The following ZIC4 variants were observed in gnomAD, a reference collection of about 807,000 sequenced individuals.
The protein encoded by ZIC4 is zinc finger protein ZIC 4.
In ZIC4, 15 loss-of-function variants were observed where a neutral mutation model predicts 28.8. The ratio of observed to expected loss-of-function variants is 0.52; its 90% CI spans 0.35 to 0.80. The LOEUF is 0.80. ZIC4 is among the 30% of genes least tolerant of loss of function. The pLI, the probability that ZIC4 is intolerant of heterozygous loss-of-function variation, is 0.01. For missense variants in ZIC4, 512 were observed against 467.1 expected, an observed-to-expected ratio of 1.10 and a Z score of -0.89; for synonymous variants, 220 against 198.1, an observed-to-expected ratio of 1.11 and a Z score of -0.93.
intron 1 of ZIC4, chr3:147,404,371 G>T (rs1576465452): frequency 9.2e-7 from 1 of 1,081,090 alleles, no homozygotes; most frequent in East Asian, 4.4e-5. Flanking sequence ...CAGGCAACAG[G>T]GACCTTAGGA....
rs978834980 is a variant in ZIC4, at chr3:147,388,436, G to A, written c.*423C>T. The A allele has an allele frequency of 4.4e-4, 85 of 195,150 alleles. No homozygotes were observed. Among genetic ancestry groups the A allele is most frequent in the African/African-American group, 1.8e-3 (79 of 43,212 alleles). The allele number at this position is 195,150 out of a possible 1,614,324, so 12.1% of individuals were successfully genotyped here. ...AACCCAAACGCGCCCTCTGATCACC[G>A]CAGAAAGCAGAAACAAAGGGGGCTG... On this transcript the variant is annotated 3_prime_UTR_variant, in exon 5 of 5. Transcript: ENST00000383075.
chr3:147,387,342 A>T lies in ZIC4; in HGVS notation c.*1517T>A, dbSNP rs939220892. 2.0e-5 allele frequency: 3 copies of T among 152,674 alleles called. No homozygotes were observed. Among genetic ancestry groups the T allele is most frequent in the Admixed American group, 2.0e-4 (3 of 15,282 alleles). The allele number at this position is 152,674 out of a possible 1,614,324, so 9.5% of individuals were successfully genotyped here. ...AGAAACGGTTTGAAACTAACGGGGC[A>T]GAGGGAGTTTGACAGAGAGGAGAAC... On this transcript the variant is annotated 3_prime_UTR_variant, in exon 5 of 5. Coordinates refer to ENST00000383075, the MANE Select transcript of ZIC4 (RefSeq NM_032153.6).
chr3:147,403,979 A>G, intron 1 of ZIC4: 2 of 1,536,764 alleles, frequency 1.3e-6, no homozygotes, highest in Admixed American at 2.0e-5. Context: ...CCCAGAGGGT[A>G]TTATTATTTT....
rs759907661 is a variant in ZIC4, at chr3:147,391,927, AC to A, written c.689-682del. 2,000 of 979,592 alleles carry A rather than the reference AC, an allele frequency of 2.0e-3. 5 individuals carry two copies. Among genetic ancestry groups the A allele is most frequent in the Non-Finnish European group, 2.3e-3 (1,858 of 824,782 alleles). The allele number at this position is 979,592 out of a possible 1,614,324, so 60.7% of individuals were successfully genotyped here. On this transcript the variant is annotated intron_variant, in intron 3 of 4. Coordinates refer to ENST00000383075, the MANE Select transcript of ZIC4 (RefSeq NM_032153.6). ...TGGAGCCCCCTCCCTCTTTCCTTCTACCCCCTGAGGGCAAACATTTAGCAGC... is the reference window on the plus strand; with the variant it reads ...TGGAGCCCCCTCCCTCTTTCCTTCTACCCCTGAGGGCAAACATTTAGCAGC...
Position 147,391,921 on chromosome 3 carries a change from C to T in ZIC4, c.689-675G>A, listed in dbSNP as rs367888174. 13 of 973,650 alleles carry T rather than the reference C, an allele frequency of 1.3e-5. No homozygotes were observed. The East Asian group carries it at 1.4e-3, about 103-fold the overall frequency. The allele number at this position is 973,650 out of a possible 1,614,324, so 60.3% of individuals were successfully genotyped here. A position where few individuals can be genotyped will look rare whatever the true frequency, so the allele number is the denominator to read the frequency against. The stretch of plus-strand genomic sequence containing the variant: ...CAGGAATGGAGCCCCCTCCCTCTTT[C>T]CTTCTACCCCCTGAGGGCAAACATT... On this transcript the variant is annotated intron_variant, in intron 3 of 4. Coordinates refer to ENST00000383075, the MANE Select transcript of ZIC4 (RefSeq NM_032153.6).
intron 1 of ZIC4, chr3:147,403,865 T>G (rs1331736925): frequency 8.4e-7 from 1 of 1,193,438 alleles, no homozygotes; most frequent in African/African-American, 1.5e-5. Context: ...TCTCTCCCCC[T>G]CAACGTCCAA....
In ZIC4 at chr3:147,406,419, G is replaced by A. The variant is rs2087277246; in HGVS notation, c.-72C>T. 6.5e-6 allele frequency: 1 copy of A among 152,688 alleles called. No homozygotes were observed. The highest frequency in any genetic ancestry group is 1.9e-4 in the East Asian group (1 of 5,164). 9.5% of individuals were successfully genotyped at this position (152,688 alleles called of 1,614,324 possible). A position where few individuals can be genotyped will look rare whatever the true frequency, so the allele number is the denominator to read the frequency against. ...TTCTGCACATCATTTCGGGGTGGCT[G>A]AGAGGGGACCACAAACCCCTCCAAG... On this transcript the variant is annotated 5_prime_UTR_variant, in exon 1 of 5. The change creates a premature stop within an existing upstream ORF in the 5' untranslated region. Transcript: ENST00000383075.
Position 147,391,187 on chromosome 3 carries a change from C to G in ZIC4, c.748G>C (p.Asp250His). The change falls in exon 4 of 5, where the codon GAC becomes CAC. Residue 250 changes from aspartate (D) to histidine (H), a missense_variant. Physicochemically the swap from Asp to His is moderately conservative, Grantham distance 81. Coordinates refer to ENST00000383075, the MANE Select transcript of ZIC4 (RefSeq NM_032153.6). ...TGCACGTGCGAATGCTTCTTACGGT[C>G]GCTGCTGTTGGCGAAGCGCCGCTCG... Reference protein sequence around the residue: ...GCERRFANSSDRKKHSHVHTS... With the variant: ...GCERRFANSSHRKKHSHVHTS... 6.2e-7 allele frequency: 1 copy of G among 1,608,380 alleles called. No homozygotes were observed. The highest frequency in any genetic ancestry group is 2.2e-5 in the East Asian group (1 of 44,658).
intron 3 of ZIC4, chr3:147,393,956 T>C: frequency 4.4e-6 from 2 of 456,706 alleles, no homozygotes; most frequent in South Asian, 3.1e-5. Flanking sequence ...AGGGAGAATC[T>C]CAGCTCCTGA....
At position 147,390,926 on chromosome 3, in the gene ZIC4, C is replaced by G. The variant is rs769198567; in HGVS notation, c.1004+5G>C. 1.9e-6 allele frequency: 3 copies of G among 1,605,218 alleles called. No individual in the cohort carries two copies. Among genetic ancestry groups the G allele is most frequent in the Non-Finnish European group, 2.6e-6 (3 of 1,176,056 alleles). ...GCTATGGGGCCCAAGCCCTGACACA[C>G]GTACCATTCGCTCAAGTCGGCGGTA... On this transcript the variant is annotated splice_donor_5th_base_variant and intron_variant, in intron 4 of 4. Coordinates refer to ENST00000383075, the MANE Select transcript of ZIC4 (RefSeq NM_032153.6).
At chr3:147,393,871 A>T (rs766797161) in intron 3 of ZIC4, 5 of 456,428 alleles carry the variant, frequency 1.1e-5, no homozygotes, top group African/African-American at 6.0e-5. Context: ...TTGTTCCGGG[A>T]TCGCTGTGAC....
Position 147,396,383 on chromosome 3 carries a change from C to A in ZIC4, c.157G>T (p.Ala53Ser). The A allele has an allele frequency of 1.3e-6, 2 of 1,531,778 alleles. No individual in the cohort carries two copies. The highest frequency in any genetic ancestry group is 4.5e-5 in the East Asian group (2 of 44,300). 94.9% of individuals were successfully genotyped at this position (1,531,778 alleles called of 1,614,324 possible). Reference protein sequence around the residue: ...FPGLHEEPPQASPSRPLNGLL... With the variant: ...FPGLHEEPPQSSPSRPLNGLL... ...CCATTCAAAGGACGGCTGGGGGAGGCCTGGGGAGGCTCCTCGTGGAGGCCC... is the reference window on the plus strand; with the variant it reads ...CCATTCAAAGGACGGCTGGGGGAGGACTGGGGAGGCTCCTCGTGGAGGCCC... The change falls in exon 3 of 5, where the codon GCC becomes TCC. Residue 53 changes from alanine (A) to serine (S), a missense_variant. This residue lies in a region of ZIC4 where 310 missense variants were observed against 256.5 expected (regional missense o/e 1.21). Transcript: ENST00000383075. This position sits in a 1 kb window ranked among gnomAD's most constrained non-coding sequence, Gnocchi z 4.2.
rs1020712818 is a variant in ZIC4 at position 147,388,608 on chromosome 3, T to C, written c.*251A>G. 23 of 493,744 alleles carry C rather than the reference T, an allele frequency of 4.7e-5. No homozygotes were observed. The highest frequency in any genetic ancestry group is 5.2e-4 in the Middle Eastern group (1 of 1,934). 30.6% of individuals were successfully genotyped at this position (493,744 alleles called of 1,614,324 possible). A position where few individuals can be genotyped will look rare whatever the true frequency, so the allele number is the denominator to read the frequency against. On this transcript the variant is annotated 3_prime_UTR_variant, in exon 5 of 5. Transcript: ENST00000383075. ...CGCGTCAAACAAAAATATATACTTGTATACACAAGAAAAAAGGTCTGTTAG... is the reference window on the plus strand; with the variant it reads ...CGCGTCAAACAAAAATATATACTTGCATACACAAGAAAAAAGGTCTGTTAG...
At chr3:147,391,378 C>T (rs747374736) in intron 3 of ZIC4, 132 bp from the exon 4 acceptor site, 48 of 1,227,926 alleles carry the variant, frequency 3.9e-5, no homozygotes, top group Non-Finnish European at 5.0e-5. Flanking sequence ...CTTTCCACGG[C>T]GCCTCAGGTC....
Position 147,395,965 on chromosome 3 carries a change from A to G in ZIC4, c.575T>C (p.Val192Ala). 2 of 1,614,222 alleles carry G rather than the reference A, an allele frequency of 1.2e-6. No individual in the cohort carries two copies. The highest frequency in any genetic ancestry group is 1.7e-6 in the Non-Finnish European group (2 of 1,180,050). ...GKPFKAKYKLVNHIRVHTGEK... is the reference protein window; with the variant it reads ...GKPFKAKYKLANHIRVHTGEK... ...GCCCGTGTGCACGCGGATGTGATTT[A>G]CAAGTTTGTATTTGGCTTTGAAGGG... Residue 192 changes from valine to alanine, a missense_variant, in exon 3 of 5, where the codon GTA becomes GCA. This residue lies in a region of ZIC4 where 58 missense variants were observed against 93.8 expected (regional missense o/e 0.62). Coordinates refer to ENST00000383075, the MANE Select transcript of ZIC4 (RefSeq NM_032153.6).
chr3:147,400,206 T>G (rs2087136810), intron 2 of ZIC4, among the ~76,000 whole-genome samples: 1 of 152,164 alleles, frequency 6.6e-6, no homozygotes. Context: ...CCTCCAAGTT[T>G]ATGGGCCCTC....
intron 1 of ZIC4, chr3:147,405,768 A>C (rs2087265129): frequency 2.2e-6 from 1 of 464,844 alleles, no homozygotes; most frequent in Non-Finnish European, 3.9e-6. Flanking sequence ...CCTGAGGTGG[A>C]CTCAGGCGGC....
chr3:147,390,975 G>A lies in ZIC4; in HGVS notation c.960C>T (p.Ala320=). 1 of 1,612,610 alleles carries A rather than the reference G, an allele frequency of 6.2e-7. No individual in the cohort carries two copies. Among genetic ancestry groups the A allele is most frequent in the Non-Finnish European group, 8.5e-7 (1 of 1,179,496 alleles). ...SSDCGHKSQV[A]SSAAVAARTA... ...TACGCGCCGCCACCGCCGCCGAGGAGGCCACCTGGGACTTGTGGCCGCAGT... is the reference window on the plus strand; with the variant it reads ...TACGCGCCGCCACCGCCGCCGAGGAAGCCACCTGGGACTTGTGGCCGCAGT... Residue 320 remains alanine, a synonymous_variant, in exon 4 of 5, where the codon GCC becomes GCT. Transcript: ENST00000383075.
chr3:147,399,960 C>G (rs1465865906), intron 2 of ZIC4, among the ~76,000 whole-genome samples: 1 of 152,092 alleles, frequency 6.6e-6, no homozygotes, highest in Non-Finnish European at 1.5e-5. Flanking sequence ...GCCACTGCAC[C>G]CGGCCAGATT....
Sources: allele counts gnomAD v4.1 joint callset (sites outside exome capture counted in the v4.1 genomes callset), GRCh38; gene constraint gnomAD v4.1.1; regional missense constraint gnomAD v4.1.1; non-coding constraint Gnocchi (gnomAD v3.1); transcripts MANE v1.5; gene names NCBI Gene and HGNC (gene_info 2026-07-23, HGNC 2026-07-21).